Variants in MGAT4C observed in about 807,000 individuals in gnomAD.
The protein encoded by MGAT4C is alpha-1,3-mannosyl-glycoprotein 4-beta-N-acetylglucosaminyltransferase C.
A neutral mutation model predicts 40.1 loss-of-function variants in MGAT4C; 19 were observed. That is an observed-to-expected ratio of 0.47 (90% CI 0.33 to 0.70). The LOEUF is 0.70. MGAT4C is among the 30% of genes least tolerant of loss of function. MGAT4C has a pLI of 0.02. For missense variants in MGAT4C, 491 were observed against 563.2 expected (o/e 0.87, Z 1.30); for synonymous variants, 181 against 187.1 (o/e 0.97, Z 0.27).
At chr12:86,740,920 T>C (rs1031210867) in intron 1 of MGAT4C, among the ~76,000 whole-genome samples, 9 of 151,156 alleles carry the variant, frequency 6.0e-5, no homozygotes, top group Admixed American at 5.3e-4. Context: ...GATGTGATAT[T>C]GAGGTTTGGA....
intron 1 of MGAT4C, among the ~76,000 whole-genome samples, chr12:86,195,356 C>A (rs997254701): frequency 3.3e-5 from 5 of 151,988 alleles, no homozygotes; most frequent in African/African-American, 1.2e-4. Context: ...ATAGGCCAGT[C>A]TTTCTTATTG....
intron 1 of MGAT4C, among the ~76,000 whole-genome samples, chr12:86,226,142 C>G (rs529313323): frequency 1.3e-5 from 2 of 151,308 alleles, no homozygotes; most frequent in East Asian, 3.9e-4. Flanking sequence ...TGTGCAGTTG[C>G]TGATATAAAG....
At chr12:86,293,116 A>T (rs1566264606) in intron 4 of MGAT4C, among the ~76,000 whole-genome samples, 1 of 152,312 alleles carries the variant, frequency 6.6e-6, no homozygotes, top group African/African-American at 2.4e-5. Flanking sequence ...AGCGCTGATT[A>T]TTTAAAAGTT....
chr12:86,529,595 G>A (rs1958943152), intron 2 of MGAT4C, among the ~76,000 whole-genome samples: 1 of 151,926 alleles, frequency 6.6e-6, no homozygotes, highest in Non-Finnish European at 1.5e-5. Context: ...TCTGTTATAA[G>A]TCCCATCATT....
chr12:86,806,002 C>T (rs186178002), intron 1 of MGAT4C, among the ~76,000 whole-genome samples: 311 of 151,710 alleles, frequency 2.0e-3, no homozygotes, highest in African/African-American at 7.2e-3. Context: ...AATTTATTGG[C>T]CACTTGTATC....
At chr12:86,590,396 G>C (rs1961278535) in intron 2 of MGAT4C, among the ~76,000 whole-genome samples, 1 of 151,812 alleles carries the variant, frequency 6.6e-6, no homozygotes, top group Admixed American at 6.6e-5. Context: ...CTGAGTGTCT[G>C]CTATTTAACT....
At chr12:86,767,688 C>T (rs1269477809) in intron 1 of MGAT4C, among the ~76,000 whole-genome samples, 1 of 152,132 alleles carries the variant, frequency 6.6e-6, no homozygotes, top group African/African-American at 2.4e-5. Context: ...GGGCTTCATC[C>T]CTGGGATGCA....
At chr12:86,340,782 G>T (rs1348521574) in intron 3 of MGAT4C, among the ~76,000 whole-genome samples, 4 of 152,034 alleles carry the variant, frequency 2.6e-5, no homozygotes, top group Non-Finnish European at 5.9e-5. Flanking sequence ...AGAATCCTGG[G>T]TTCCTCATAG....
intron 2 of MGAT4C, among the ~76,000 whole-genome samples, chr12:86,614,176 A>G (rs1371691252): frequency 6.6e-6 from 1 of 152,186 alleles, no homozygotes; most frequent in African/African-American, 2.4e-5. Context: ...AAGTCAGGCA[A>G]TAACTTCTGG....
chr12:86,235,135 T>A lies in MGAT4C; in HGVS notation c.-57+21104A>T, dbSNP rs183312098. 3.0e-3 allele frequency among the ~76,000 whole-genome samples: 450 copies of A among 152,176 alleles called. 10 individuals are homozygous for A. The highest frequency in any genetic ancestry group is 0.027 in the Admixed American group (416 of 15,256). ...ATAGGTTTATTTATATTTGTATGGC[T>A]CCCAGGGCAGCTTTTTCCCATGAAC... On this transcript the variant is annotated intron_variant, in intron 1 of 4. Coordinates refer to ENST00000611864, the MANE Select transcript of MGAT4C (RefSeq NM_001351288.2).
chr12:86,126,961 A>T (rs1240515228), intron 1 of MGAT4C, among the ~76,000 whole-genome samples: 1 of 152,198 alleles, frequency 6.6e-6, no homozygotes, highest in Non-Finnish European at 1.5e-5. Context: ...CATTAAGTAG[A>T]TTCTTACATG....
intron 1 of MGAT4C, among the ~76,000 whole-genome samples, chr12:86,221,884 T>A (rs1950891399): frequency 6.6e-6 from 1 of 152,260 alleles, no homozygotes; most frequent in Non-Finnish European, 1.5e-5. Context: ...AAATTTAATT[T>A]GTCTAAGGCT....
chr12:86,801,170 A>G (rs1015441963), intron 1 of MGAT4C, among the ~76,000 whole-genome samples: 7 of 151,924 alleles, frequency 4.6e-5, no homozygotes, highest in African/African-American at 1.7e-4. Flanking sequence ...AGGAAAGAAG[A>G]GAATGGTCTA....
chr12:86,456,069 T>C (rs951145038), intron 2 of MGAT4C, among the ~76,000 whole-genome samples: 19 of 152,132 alleles, frequency 1.2e-4, no homozygotes, highest in African/African-American at 3.9e-4. Flanking sequence ...TTTTAATATA[T>C]CCTTCCTATT....
Position 86,802,886 on chromosome 12 carries a change from C to A in MGAT4C, c.-262+35780G>T, listed in dbSNP as rs1285172860. ...TGCCATCCCCATCAAGCTACCAATGCCTTTCTTCACAGAATTGGAAAAAAC... is the reference window on the plus strand; with the variant it reads ...TGCCATCCCCATCAAGCTACCAATGACTTTCTTCACAGAATTGGAAAAAAC... On this transcript the variant is annotated intron_variant, in intron 1 of 7. Coordinates refer to the MGAT4C transcript ENST00000548651. 2.8e-4 allele frequency among the ~76,000 whole-genome samples: 40 copies of A among 140,374 alleles called. No individual in the cohort carries two copies. In the East Asian group the frequency reaches 3.0e-3, roughly 11 times the overall value. The allele number at this position is 140,374 out of a possible 152,430, so 92.1% of individuals were successfully genotyped here. A position where few individuals can be genotyped will look rare whatever the true frequency, so the allele number is the denominator to read the frequency against.
intron 1 of MGAT4C, among the ~76,000 whole-genome samples, chr12:86,820,124 TAAGATA>T (rs1952680203): frequency 6.6e-6 from 1 of 150,854 alleles, no homozygotes; most frequent in Non-Finnish European, 1.5e-5. Context: ...TAACAAGATT[TAAGATA>T]AAGTATAAAT....
At position 86,550,073 on chromosome 12, in the gene MGAT4C, A is replaced by G. The variant is rs181662590; in HGVS notation, c.-228-114808T>C. 3.1e-3 allele frequency among the ~76,000 whole-genome samples: 465 copies of G among 152,246 alleles called. 1 individual carries two copies. Among genetic ancestry groups the G allele is most frequent in the Middle Eastern group, 6.8e-3 (2 of 294 alleles). The stretch of plus-strand genomic sequence containing the variant: ...TTTTGATGATAGTGAGTGACTTCTC[A>G]TGAGATCTGATGGTTTTATATGGGG... On this transcript the variant is annotated intron_variant, in intron 2 of 7. Transcript: ENST00000548651.
At chr12:86,764,896 T>C (rs980335473) in intron 1 of MGAT4C, among the ~76,000 whole-genome samples, 1 of 151,628 alleles carries the variant, frequency 6.6e-6, no homozygotes, top group African/African-American at 2.4e-5. Flanking sequence ...CAAAAGTAGA[T>C]AAAACCACAA....
In MGAT4C at chr12:86,102,528, A is replaced by C. The variant is rs185468615; in HGVS notation, c.-56-52805T>G. Among the ~76,000 whole-genome samples, 108 of 152,222 alleles carry C rather than the reference A, an allele frequency of 7.1e-4. 1 individual carries two copies. The highest frequency in any genetic ancestry group is 4.8e-3 in the South Asian group (23 of 4,832). On this transcript the variant is annotated intron_variant, in intron 1 of 4. Transcript: ENST00000611864. Reference sequence around the variant, plus strand: ...AATGAATGGAATATGGCACTAAGCTAATAAGTTCATATTAGGCCATCAAAG... The same window carrying C: ...AATGAATGGAATATGGCACTAAGCTCATAAGTTCATATTAGGCCATCAAAG...
Sources: allele counts gnomAD v4.1 joint callset (sites outside exome capture counted in the v4.1 genomes callset), GRCh38; gene constraint gnomAD v4.1.1; transcripts MANE v1.5; gene names NCBI Gene and HGNC (gene_info 2026-07-23, HGNC 2026-07-21).